The following LARS2 variants were observed in gnomAD, a reference collection of about 807,000 sequenced individuals.
LARS2 encodes the protein leucyl-tRNA synthetase 2, mitochondrial, also known as leucine--tRNA ligase, mitochondrial.
Under a neutral mutation model 116.6 loss-of-function variants are expected in LARS2, and 81 were observed. The ratio of observed to expected loss-of-function variants is 0.69; its 90% CI spans 0.58 to 0.84. The LOEUF is 0.84. Ranked by LOEUF, LARS2 falls within the 40% of genes least tolerant of loss-of-function variation. LARS2 has a pLI of 0.00. For missense variants in LARS2, 968 were observed against 1,114.5 expected (o/e 0.87, Z 1.87); for synonymous variants, 396 against 407.2 (o/e 0.97, Z 0.33).
intron 9 of LARS2, 95 bp from the exon 10 acceptor site, chr3:45,476,373 G>A: frequency 1.5e-6 from 2 of 1,313,892 alleles, no homozygotes; most frequent in Non-Finnish European, 2.2e-6. Context: ...CACTGTTGGG[G>A]AATGAGGAGG....
intron 6 of LARS2, among the ~76,000 whole-genome samples, chr3:45,444,817 A>G (rs1288984097): frequency 6.6e-6 from 1 of 150,700 alleles, no homozygotes; most frequent in Non-Finnish European, 1.5e-5. Context: ...TATGTGTTAC[A>G]TATATAATAT....
chr3:45,466,007 AAG>A (rs1319605201), intron 8 of LARS2, among the ~76,000 whole-genome samples: 1 of 152,258 alleles, frequency 6.6e-6, no homozygotes, highest in African/African-American at 2.4e-5. Flanking sequence ...CTGCTCTGCA[AAG>A]AGAAAGGTTT....
At position 45,491,781 on chromosome 3, in the gene LARS2, G is replaced by A; in HGVS notation, c.1504G>A (p.Val502Met). The A allele has an allele frequency of 6.2e-7, 1 of 1,614,016 alleles. No homozygotes were observed. Among genetic ancestry groups the A allele is most frequent in the South Asian group, 1.1e-5 (1 of 91,062 alleles). The change falls in exon 13 of 22, where the codon GTG (valine) becomes ATG (methionine). Residue 502 changes from valine (V) to methionine (M), a missense_variant. Coordinates refer to ENST00000645846, the MANE Select transcript of LARS2 (RefSeq NM_015340.4). ...GPPLAMASEW[V>M]NCSCPRCKGA... The stretch of plus-strand genomic sequence containing the variant: ...CCCACTGGCCATGGCTTCAGAGTGG[G>A]TGAACTGCTCCTGCCCAAGGTAAGG...
At chr3:45,502,845 A>G (rs1344401926) in intron 15 of LARS2, among the ~76,000 whole-genome samples, 1 of 151,550 alleles carries the variant, frequency 6.6e-6, no homozygotes, top group Non-Finnish European at 1.5e-5. Context: ...TTCCTTTATG[A>G]TTTTTGTAGT....
At chr3:45,459,324 T>C (rs1405422749) in intron 8 of LARS2, among the ~76,000 whole-genome samples, 1 of 152,212 alleles carries the variant, frequency 6.6e-6, no homozygotes, top group African/African-American at 2.4e-5. Context: ...CTTTGGTGCA[T>C]GTCTTTCCCA....
chr3:45,522,107 A>C (rs1700464822), intron 19 of LARS2, among the ~76,000 whole-genome samples: 1 of 152,206 alleles, frequency 6.6e-6, no homozygotes, highest in African/African-American at 2.4e-5. Flanking sequence ...TCTCTCTCAA[A>C]AAAATAAAAA....
chr3:45,411,414 T>C (rs561018480), intron 4 of LARS2, among the ~76,000 whole-genome samples: 111 of 152,344 alleles, frequency 7.3e-4, no homozygotes, highest in African/African-American at 2.4e-3. Context: ...CTGCATTCCT[T>C]TGTACCTACT....
intron 11 of LARS2, among the ~76,000 whole-genome samples, chr3:45,488,254 G>A (rs1168068584): frequency 1.3e-5 from 2 of 152,096 alleles, no homozygotes; most frequent in African/African-American, 4.8e-5. Context: ...TCAACATGGC[G>A]AAACCCCTTT....
chr3:45,471,575 G>A (rs191410103), intron 8 of LARS2, among the ~76,000 whole-genome samples: 44 of 152,256 alleles, frequency 2.9e-4, no homozygotes, highest in African/African-American at 1.0e-3. Flanking sequence ...CGGTAATGCT[G>A]GTAAAGGAAT....
chr3:45,471,053 A>G (rs1286935446), intron 8 of LARS2, among the ~76,000 whole-genome samples: 1 of 149,900 alleles, frequency 6.7e-6, no homozygotes, highest in Non-Finnish European at 1.5e-5. Flanking sequence ...AAAAAAAAAA[A>G]AAAAAAAAAA....
intron 6 of LARS2, among the ~76,000 whole-genome samples, chr3:45,431,468 TTATG>T: frequency 6.6e-6 from 1 of 152,206 alleles, no homozygotes; most frequent in Non-Finnish European, 1.5e-5. Context: ...AACTATTACT[TTATG>T]TTTTTTGATA....
At chr3:45,397,082 A>T (rs1698059535) in intron 3 of LARS2, among the ~76,000 whole-genome samples, 1 of 152,248 alleles carries the variant, frequency 6.6e-6, no homozygotes, top group African/African-American at 2.4e-5. Flanking sequence ...TTTCTTCTAA[A>T]GTCAGAAGCT....
rs1469360845 is a variant in LARS2 at position 45,548,064 on chromosome 3, T to G, written c.*534T>G. 1 of 152,384 alleles carries G rather than the reference T, an allele frequency of 6.6e-6. No individual in the cohort carries two copies. The highest frequency in any genetic ancestry group is 1.5e-5 in the Non-Finnish European group (1 of 68,202). The allele number at this position is 152,384 out of a possible 1,614,324, so 9.4% of individuals were successfully genotyped here. ...GGATGAGGAAGTCATTTAGGAAATGTTCAAATAACCAATATGTGGAAATGG... is the reference window on the plus strand; with the variant it reads ...GGATGAGGAAGTCATTTAGGAAATGGTCAAATAACCAATATGTGGAAATGG... On this transcript the variant is annotated 3_prime_UTR_variant, in exon 22 of 22. Coordinates refer to ENST00000645846, the MANE Select transcript of LARS2 (RefSeq NM_015340.4).
At position 45,533,141 on chromosome 3, in the gene LARS2, C is replaced by CTTTTTTT. The variant is rs3085466; in HGVS notation, c.2405-8667_2405-8661dup. 1.9e-3 allele frequency among the ~76,000 whole-genome samples: 99 copies of CTTTTTTT among 51,026 alleles called. 23 individuals are homozygous for CTTTTTTT. Among genetic ancestry groups the CTTTTTTT allele is most frequent in the South Asian group, 2.5e-3 (2 of 788 alleles). 33.5% of individuals were successfully genotyped at this position (51,026 alleles called of 152,430 possible). ...TTTAGCTTTGGTGGTCACATTAAGT[C>CTTTTTTT]TTTTTTTTTTTTTTTTTTTTTTTTT... On this transcript the variant is annotated intron_variant, in intron 20 of 21. Coordinates refer to ENST00000645846, the MANE Select transcript of LARS2 (RefSeq NM_015340.4).
At chr3:45,392,825 T>C (rs1275563363) in intron 2 of LARS2, among the ~76,000 whole-genome samples, 1 of 152,202 alleles carries the variant, frequency 6.6e-6, no homozygotes, top group Non-Finnish European at 1.5e-5. Context: ...CAAATCCTGA[T>C]AGAAGTGGAA....
At chr3:45,459,527 C>G (rs1699277254) in intron 8 of LARS2, among the ~76,000 whole-genome samples, 1 of 152,240 alleles carries the variant, frequency 6.6e-6, no homozygotes, top group Non-Finnish European at 1.5e-5. Context: ...TTGGACCAAG[C>G]AGTCTTTAAG....
At chr3:45,388,915 C>T (rs1697891499) in intron 1 of LARS2, 1 of 152,264 alleles carries the variant, frequency 6.6e-6, no homozygotes. Flanking sequence ...TGCACATATA[C>T]ACGTAGTTTT....
chr3:45,532,655 T>C (rs1291001955), intron 20 of LARS2, among the ~76,000 whole-genome samples: 1 of 152,230 alleles, frequency 6.6e-6, no homozygotes, highest in African/African-American at 2.4e-5. Flanking sequence ...TTTTTTATTT[T>C]TTTTGAGACA....
intron 7 of LARS2, among the ~76,000 whole-genome samples, chr3:45,454,868 C>T (rs1332212891): frequency 6.6e-6 from 1 of 152,166 alleles, no homozygotes; most frequent in Non-Finnish European, 1.5e-5. Context: ...TAGGAAGCAA[C>T]TCCAGGGCTT....
Sources: gnomAD v4.1 joint callset for allele counts (sites outside exome capture counted in the v4.1 genomes callset) on GRCh38, gnomAD v4.1.1 for gene constraint, MANE v1.5 for transcripts, NCBI Gene and HGNC (gene_info 2026-07-23, HGNC 2026-07-21) for gene names.